The following CAPS2 variants were observed in gnomAD, a reference collection of about 807,000 sequenced individuals.
The protein encoded by CAPS2 is calcyphosine 2, also known as calcyphosin-2.
CAPS2 carries 98 observed loss-of-function variants against 86.5 expected under a neutral mutation model. That is an observed-to-expected ratio of 1.13 (90% CI 0.96 to 1.34). The LOEUF (loss-of-function observed/expected upper bound fraction) is 1.34. CAPS2 is among the 40% of genes most tolerant of loss of function. The probability of loss-of-function intolerance (pLI) is 0.00; values close to 1 mark genes in which losing one functional copy is unlikely to be tolerated. For missense variants in CAPS2, 729 were observed against 686.8 expected, an observed-to-expected ratio of 1.06 and a Z score of -0.69; for synonymous variants, 210 against 225.1, an observed-to-expected ratio of 0.93 and a Z score of 0.60.
intron 1 of CAPS2, among the ~76,000 whole-genome samples, chr12:75,380,601 C>A (rs1031332850): frequency 6.6e-6 from 1 of 152,112 alleles, no homozygotes; most frequent in Non-Finnish European, 1.5e-5. Context: ...TGGCACCATG[C>A]TAAGTGTTAA....
At chr12:75,369,439 G>C in intron 1 of CAPS2, 3 of 790,648 alleles carry the variant, frequency 3.8e-6, no homozygotes, top group Non-Finnish European at 4.6e-6. Context: ...ATACGTAGTA[G>C]AAGGTCAAAA....
intron 5 of CAPS2, among the ~76,000 whole-genome samples, chr12:75,319,529 A>C (rs1276360751): frequency 1.3e-5 from 2 of 152,196 alleles, no homozygotes; most frequent in Non-Finnish European, 2.9e-5. Flanking sequence ...TCTAGCCAAC[A>C]GACTCATGAA....
At chr12:75,322,787 T>C in intron 4 of CAPS2, 1 of 514,756 alleles carries the variant, frequency 1.9e-6, no homozygotes, top group Admixed American at 3.2e-5. Context: ...TTTACCAATT[T>C]CATTTAAAAA....
At chr12:75,369,653 C>G (rs148878839) in intron 1 of CAPS2, 33 of 983,650 alleles carry the variant, frequency 3.4e-5, no homozygotes, top group Non-Finnish European at 4.0e-5. Flanking sequence ...TCTTCAGGGA[C>G]GTGAATTGGG....
At chr12:75,302,685 T>G (rs963767210) in intron 8 of CAPS2, among the ~76,000 whole-genome samples, 1 of 152,042 alleles carries the variant, frequency 6.6e-6, no homozygotes, top group African/African-American at 2.4e-5. Context: ...GTAAATAAGA[T>G]CCACAAATAA....
rs538676436 is a variant in CAPS2 at position 75,386,407 on chromosome 12, T to C, written c.-395+4431A>G. 1.6e-4 allele frequency among the ~76,000 whole-genome samples: 25 copies of C among 152,318 alleles called. 1 individual carries two copies. In the South Asian group the frequency reaches 5.2e-3, roughly 32 times the overall value. ...GAGCTTGCATCTGGTGAGGGCCTGC[T>C]GGCTGTGTCATCTGATGGCAGGAGT... On this transcript the variant is annotated intron_variant, in intron 1 of 5. Coordinates refer to the CAPS2 transcript ENST00000551829.
chr12:75,301,731 A>G (rs1593368306), intron 8 of CAPS2, among the ~76,000 whole-genome samples: 1 of 152,262 alleles, frequency 6.6e-6, no homozygotes, highest in African/African-American at 2.4e-5. Context: ...AATAGTAAAC[A>G]GAACTCACTT....
At chr12:75,336,902 T>G (rs538532704) in intron 1 of CAPS2, among the ~76,000 whole-genome samples, 1 of 151,876 alleles carries the variant, frequency 6.6e-6, no homozygotes, top group African/African-American at 2.4e-5. Flanking sequence ...ATTAACAGTA[T>G]TTGAAATTTT....
intron 6 of CAPS2, among the ~76,000 whole-genome samples, chr12:75,313,616 A>G (rs11837697): frequency 0.37 from 56,627 of 151,996 alleles, 11,043 homozygotes; most frequent in East Asian, 0.51. Context: ...TTATCCTGCA[A>G]CTATAATGAC....
At chr12:75,334,714 C>G, upstream of CAPS2, 1 of 1,608,170 alleles carries the variant, frequency 6.2e-7, no homozygotes, top group South Asian at 1.1e-5. Context: ...TCCTCCGCAT[C>G]CTCCACATCC....
rs932474396 is a variant in CAPS2, at chr12:75,325,415, A to C, written c.82-127T>G. The C allele has an allele frequency of 3.7e-6, 3 of 807,368 alleles. No homozygotes were observed. The African/African-American group carries it at 5.3e-5, about 14-fold the overall frequency. The allele number at this position is 807,368 out of a possible 1,614,324, so 50.0% of individuals were successfully genotyped here. A position where few individuals can be genotyped will look rare whatever the true frequency, so the allele number is the denominator to read the frequency against. The stretch of plus-strand genomic sequence containing the variant: ...TTTTTCTCAGTAAATTCTATATAAT[A>C]AATACTTATTAAGCCCCTTCCTACT... On this transcript the variant is annotated intron_variant, in intron 1 of 16. Coordinates refer to ENST00000393284, the Ensembl canonical transcript of CAPS2.
At chr12:75,372,709 C>T (rs1037384266) in intron 1 of CAPS2, among the ~76,000 whole-genome samples, 1 of 152,132 alleles carries the variant, frequency 6.6e-6, no homozygotes, top group Admixed American at 6.6e-5. Flanking sequence ...GTATTGTCAC[C>T]TAATTGGCGT....
exon 17 of CAPS2, chr12:75,278,697 C>T: frequency 6.9e-6 from 9 of 1,298,914 alleles, no homozygotes; most frequent in Admixed American, 3.7e-5. Context: ...CACACCCCTA[C>T]ATCTATCTTT....
At chr12:75,278,821 TC>T in exon 17 of CAPS2, 1 of 1,353,860 alleles carries the variant, frequency 7.4e-7, no homozygotes, top group Non-Finnish European at 9.5e-7. Flanking sequence ...CAGTGTTTGA[TC>T]ATCCTTTACA....
chr12:75,307,570 CA>C (rs1187960342), intron 7 of CAPS2, among the ~76,000 whole-genome samples: 1 of 152,116 alleles, frequency 6.6e-6, no homozygotes, highest in African/African-American at 2.4e-5. Flanking sequence ...ATGTTTCTAA[CA>C]TACAGAAAAG....
intron 1 of CAPS2, among the ~76,000 whole-genome samples, chr12:75,380,325 C>G (rs2044891370): frequency 6.6e-6 from 1 of 152,116 alleles, no homozygotes; most frequent in Non-Finnish European, 1.5e-5. Flanking sequence ...CCTGTGATCA[C>G]TAACTGTACC....
chr12:75,282,390 G>A (rs2034115192), intron 15 of CAPS2, 43 bp from the exon 16 acceptor site: 1 of 1,311,088 alleles, frequency 7.6e-7, no homozygotes, highest in African/African-American at 1.5e-5. Context: ...TTGGTTGGTT[G>A]TTTTGCTTTG....
intron 1 of CAPS2, among the ~76,000 whole-genome samples, chr12:75,350,423 C>A (rs891801734): frequency 3.3e-5 from 5 of 152,170 alleles, no homozygotes; most frequent in African/African-American, 4.8e-5. Flanking sequence ...GGTCTCCAGG[C>A]ACTGCATACA....
At chr12:75,328,732 T>G (rs758621869), upstream of CAPS2, among the ~76,000 whole-genome samples, 2 of 152,220 alleles carry the variant, frequency 1.3e-5, no homozygotes, top group Non-Finnish European at 2.9e-5. Flanking sequence ...TATTAGTCTT[T>G]AATGCTAGAC....
Sources: gnomAD v4.1 joint callset for allele counts (sites outside exome capture counted in the v4.1 genomes callset) on GRCh38, gnomAD v4.1.1 for gene constraint, MANE v1.5 for transcripts, NCBI Gene and HGNC (gene_info 2026-07-23, HGNC 2026-07-21) for gene names.